Variants in LAMA3 observed in about 807,000 individuals in gnomAD.
The protein encoded by LAMA3 is laminin subunit alpha 3, also known as laminin subunit alpha-3.
Under a neutral mutation model 402.0 loss-of-function variants are expected in LAMA3, and 281 were observed. The ratio of observed to expected loss-of-function variants is 0.70; its 90% confidence interval spans 0.63 to 0.77. LAMA3 has a LOEUF of 0.77. Ranked by LOEUF, LAMA3 falls within the 30% of genes least tolerant of loss-of-function variation. LAMA3 has a pLI of 0.00. For synonymous variants in LAMA3, 1,431 were observed against 1,558.4 expected, an observed-to-expected ratio of 0.92 and a Z score of 1.93; for missense variants, 3,840 against 4,215.5, an observed-to-expected ratio of 0.91 and a Z score of 2.47.
At chr18:23,731,283 T>C (rs1223238217) in intron 2 of LAMA3, among the ~76,000 whole-genome samples, 1 of 152,198 alleles carries the variant, frequency 6.6e-6, no homozygotes, top group African/African-American at 2.4e-5. Flanking sequence ...ATTCTAAATA[T>C]ACAGGGATTC....
intron 12 of LAMA3, among the ~76,000 whole-genome samples, chr18:23,797,710 G>T (rs767817231): frequency 8.0e-5 from 12 of 149,106 alleles, no homozygotes; most frequent in African/African-American, 1.2e-4. Flanking sequence ...GCGAGACTCC[G>T]TCTCAAAAAA....
intron 2 of LAMA3, among the ~76,000 whole-genome samples, chr18:23,721,048 C>G (rs2145947588): frequency 6.6e-6 from 1 of 152,020 alleles, no homozygotes; most frequent in East Asian, 1.9e-4. Context: ...GTCCTAGCAA[C>G]TCAGGAGGCT....
In LAMA3 at chr18:23,939,345, C is replaced by A. The variant is rs748303848; in HGVS notation, c.8985C>A (p.Ser2995Arg). 1.2e-6 allele frequency: 2 copies of A among 1,614,220 alleles called. No individual in the cohort carries two copies. Among genetic ancestry groups the A allele is most frequent in the South Asian group, 1.1e-5 (1 of 91,090 alleles). The change falls in exon 68 of 75, where the codon AGC becomes AGA. Residue 2995 changes from serine to arginine, a missense_variant. This residue lies in a region of LAMA3 where 840 missense variants were observed against 981.9 expected (regional missense o/e 0.86). Transcript: ENST00000313654. ...TCCAGTTTGGGGACATTCCCACCAGCCACTTGCTATTCAAGCTTCCTCAGG... is the reference window on the plus strand; with the variant it reads ...TCCAGTTTGGGGACATTCCCACCAGACACTTGCTATTCAAGCTTCCTCAGG... The part of the protein sequence containing the change: ...GALQFGDIPT[S>R]HLLFKLPQEL...
chr18:23,852,884 C>T (rs1283685031), intron 32 of LAMA3, among the ~76,000 whole-genome samples: 1 of 152,124 alleles, frequency 6.6e-6, no homozygotes, highest in Non-Finnish European at 1.5e-5. Context: ...TGAAAGGGCT[C>T]CCTCCTCCTC....
intron 1 of LAMA3, 133 bp from the exon 2 acceptor site, chr18:23,713,787 A>G: frequency 1.3e-6 from 1 of 754,582 alleles, no homozygotes. Context: ...GAATTTTAAC[A>G]GCTGACTTCT....
At chr18:23,900,320 C>G (rs1026762837) in intron 47 of LAMA3, among the ~76,000 whole-genome samples, 50 of 152,208 alleles carry the variant, frequency 3.3e-4, no homozygotes, top group Middle Eastern at 3.2e-3. Flanking sequence ...ATACGCCTGC[C>G]TTGGTCTCCC....
intron 12 of LAMA3, among the ~76,000 whole-genome samples, chr18:23,799,738 G>GGAGA (rs60652911): frequency 6.6e-6 from 1 of 151,522 alleles, no homozygotes; most frequent in African/African-American, 2.4e-5. Flanking sequence ...GTGTACGTAT[G>GGAGA]GAGAGAGAGA....
In LAMA3 at chr18:23,837,284, T is replaced by C; in HGVS notation, c.3093+195T>C. The C allele has an allele frequency of 5.1e-6, 3 of 588,946 alleles. No individual in the cohort carries two copies. In the South Asian group the frequency reaches 5.9e-5, roughly 12 times the overall value. 36.5% of individuals were successfully genotyped at this position (588,946 alleles called of 1,614,324 possible). ...TTGAGCATTTTTTGATATGGCCTAA[T>C]AAAATTTAGTCATATTTAAGCACCT... On this transcript the variant is annotated intron_variant, in intron 25 of 74. Coordinates refer to ENST00000313654, the MANE Select transcript of LAMA3 (RefSeq NM_198129.4).
At chr18:23,835,297 C>T (rs553349757) in intron 24 of LAMA3, among the ~76,000 whole-genome samples, 55 of 152,306 alleles carry the variant, frequency 3.6e-4, no homozygotes, top group Middle Eastern at 3.4e-3. Flanking sequence ...GTGGAGATGG[C>T]TAAGGGGGCA....
chr18:23,928,395 A>T (rs2082070058), intron 63 of LAMA3, among the ~76,000 whole-genome samples, 155 bp downstream of exon 63: 1 of 152,198 alleles, frequency 6.6e-6, no homozygotes. Flanking sequence ...AAGATGCTGA[A>T]CCTTTTCAGG....
intron 1 of LAMA3, among the ~76,000 whole-genome samples, chr18:23,713,496 T>G (rs1040768053): frequency 3.3e-5 from 5 of 152,218 alleles, no homozygotes; most frequent in African/African-American, 9.7e-5. Context: ...CCACTGGGAC[T>G]GTGGGGAGGG....
intron 38 of LAMA3, among the ~76,000 whole-genome samples, chr18:23,874,203 T>A (rs1371674581): frequency 6.6e-6 from 1 of 152,250 alleles, no homozygotes; most frequent in Admixed American, 6.5e-5. Flanking sequence ...ATCTATCTGC[T>A]TATTTGAATA....
intron 74 of LAMA3, 80 bp from the exon 75 acceptor site, chr18:23,954,423 A>T (rs2083039880): frequency 8.3e-7 from 1 of 1,207,486 alleles, no homozygotes; most frequent in Non-Finnish European, 1.2e-6. Flanking sequence ...AAAAAAAAAA[A>T]TACTATCTTT....
At chr18:23,935,908 T>A (rs928396123) in intron 67 of LAMA3, among the ~76,000 whole-genome samples, 3 of 151,130 alleles carry the variant, frequency 2.0e-5, no homozygotes, top group Admixed American at 1.3e-4. Flanking sequence ...GGGTCTGGAG[T>A]GTGGGTCGAA....
chr18:23,946,462 G>C (rs546516730), intron 70 of LAMA3, 178 bp downstream of exon 70: 15 of 742,932 alleles, frequency 2.0e-5, no homozygotes, highest in Non-Finnish European at 3.4e-5. Context: ...TTAACCCAAA[G>C]CCTTCATTTC....
intron 37 of LAMA3, among the ~76,000 whole-genome samples, chr18:23,868,480 G>A (rs2064422065): frequency 1.3e-5 from 2 of 152,024 alleles, no homozygotes; most frequent in South Asian, 2.1e-4. Flanking sequence ...GGCATGGTGG[G>A]GTGTGCCTGT....
rs902753867 is a variant in LAMA3, at chr18:23,858,937, C to A, written c.4422+108C>A. The A allele has an allele frequency of 2.9e-5, 34 of 1,182,048 alleles. No individual in the cohort carries two copies. In the African/African-American group the frequency reaches 5.1e-4, roughly 18 times the overall value. 73.2% of individuals were successfully genotyped at this position (1,182,048 alleles called of 1,614,324 possible). A position where few individuals can be genotyped will look rare whatever the true frequency, so the allele number is the denominator to read the frequency against. On this transcript the variant is annotated intron_variant, in intron 34 of 74. Transcript: ENST00000313654. ...CTGCAGTGTTTTAAAATTCTTGTTT[C>A]CTGAATTCGTCAGTTGTTTGCTCGA...
Position 23,928,175 on chromosome 18 carries a change from A to C in LAMA3, c.8230A>C (p.Thr2744Pro). ...FRGCMKNLKK[T>P]SGVVRLNDTV... Reference sequence around the variant, plus strand: ...AGGCTGCATGAAAAATTTGAAGAAAACCAGTGGTGTCGTTAGATTGAATGA... The same window carrying C: ...AGGCTGCATGAAAAATTTGAAGAAACCCAGTGGTGTCGTTAGATTGAATGA... Residue 2744 changes from threonine to proline, a missense_variant, in exon 63 of 75, where the codon ACC becomes CCC. This residue lies in a region of LAMA3 where 840 missense variants were observed against 981.9 expected (regional missense o/e 0.86). Transcript: ENST00000313654. 6.2e-7 allele frequency: 1 copy of C among 1,614,140 alleles called. No individual in the cohort carries two copies. Among genetic ancestry groups the C allele is most frequent in the Non-Finnish European group, 8.5e-7 (1 of 1,179,958 alleles).
intron 62 of LAMA3, among the ~76,000 whole-genome samples, chr18:23,927,534 A>G (rs1329192908): frequency 6.6e-6 from 1 of 152,186 alleles, no homozygotes; most frequent in Non-Finnish European, 1.5e-5. Flanking sequence ...ATACAGCAGC[A>G]TATGAACCCA....
Sources: gnomAD v4.1 joint callset for allele counts (sites outside exome capture counted in the v4.1 genomes callset) on GRCh38, gnomAD v4.1.1 for gene constraint, gnomAD v4.1.1 regional missense constraint, MANE v1.5 for transcripts, NCBI Gene and HGNC (gene_info 2026-07-23, HGNC 2026-07-21) for gene names.